Variants in GALNT13 observed in about 807,000 individuals in gnomAD.
GALNT13 encodes UDP-GalNAc:polypeptide N-acetylgalactosaminyltransferase 13.
Under a neutral mutation model 64.2 loss-of-function variants are expected in GALNT13, and 28 were observed. The observed-to-expected ratio is 0.44, with a 90% CI of 0.32 to 0.60. The LOEUF (loss-of-function observed/expected upper bound fraction) is 0.60, where lower values mean the gene tolerates loss of function less well. GALNT13 is among the 20% of genes least tolerant of loss of function. The pLI, the probability that GALNT13 is intolerant of heterozygous loss-of-function variation, is 0.05. For synonymous variants in GALNT13, 214 were observed against 224.6 expected (o/e 0.95, Z 0.42); for missense variants, 577 against 669.8 (o/e 0.86, Z 1.53).
At chr2:153,305,005 T>C in the GALNT13 span, among the ~76,000 whole-genome samples, 2 of 152,126 alleles carry the variant, frequency 1.3e-5, no homozygotes, top group Non-Finnish European at 2.9e-5. Flanking sequence ...TATAATCACA[T>C]TTACAGTTTT....
intron 3 of GALNT13, among the ~76,000 whole-genome samples, chr2:154,045,747 C>T (rs1027855166): frequency 2.6e-5 from 4 of 152,050 alleles, no homozygotes; most frequent in Non-Finnish European, 4.4e-5. Context: ...TAAGAAAAAA[C>T]AAACAAACCC....
intron 9 of GALNT13, among the ~76,000 whole-genome samples, chr2:154,378,212 G>A (rs537617687): frequency 1.3e-5 from 2 of 152,188 alleles, no homozygotes; most frequent in South Asian, 4.2e-4. Context: ...CACTGGGATC[G>A]CAGGAGGAGG....
At chr2:153,406,333 TTA>T in the GALNT13 span, among the ~76,000 whole-genome samples, 3 of 152,212 alleles carry the variant, frequency 2.0e-5, no homozygotes, top group Non-Finnish European at 2.9e-5. Flanking sequence ...TTTTATTTAT[TTA>T]TATGTTTATT....
chr2:154,278,449 G>T (rs929146527), intron 8 of GALNT13, among the ~76,000 whole-genome samples: 1 of 152,170 alleles, frequency 6.6e-6, no homozygotes, highest in Non-Finnish European at 1.5e-5. Context: ...TTGGAAATGT[G>T]TTGCAGGGTT....
At chr2:153,258,702 A>G in the GALNT13 span, among the ~76,000 whole-genome samples, 1 of 151,972 alleles carries the variant, frequency 6.6e-6, no homozygotes, top group Non-Finnish European at 1.5e-5. Flanking sequence ...TTTCTTTGTA[A>G]TTTCTTCATT....
At chr2:154,298,451 TTA>T (rs966957191) in intron 8 of GALNT13, among the ~76,000 whole-genome samples, 2 of 135,988 alleles carry the variant, frequency 1.5e-5, no homozygotes, top group Non-Finnish European at 3.1e-5. Flanking sequence ...TATATATAAT[TTA>T]TATATACATA....
chr2:153,857,672 TA>T, the GALNT13 span, among the ~76,000 whole-genome samples: 1 of 152,222 alleles, frequency 6.6e-6, no homozygotes, highest in South Asian at 2.1e-4. Context: ...ATATATTTTT[TA>T]AAACTTTTTC....
the GALNT13 span, among the ~76,000 whole-genome samples, chr2:153,512,400 C>T: frequency 6.6e-6 from 1 of 152,110 alleles, no homozygotes; most frequent in Non-Finnish European, 1.5e-5. Flanking sequence ...AGCCATGCTT[C>T]GTGAGGGCTA....
At chr2:154,144,641 AT>A (rs1683458986) in intron 4 of GALNT13, among the ~76,000 whole-genome samples, 1 of 152,098 alleles carries the variant, frequency 6.6e-6, no homozygotes, top group Non-Finnish European at 1.5e-5. Context: ...AATTCAGAAA[AT>A]TGTCCAAAAA....
At chr2:153,642,105 C>A in the GALNT13 span, among the ~76,000 whole-genome samples, 2 of 151,898 alleles carry the variant, frequency 1.3e-5, no homozygotes, top group Non-Finnish European at 2.9e-5. Context: ...TATCTTCATA[C>A]CCTACCTTAA....
chr2:153,365,060 C>T, the GALNT13 span, among the ~76,000 whole-genome samples: 2 of 152,190 alleles, frequency 1.3e-5, no homozygotes, highest in East Asian at 3.9e-4. Context: ...ATCAATGGAA[C>T]AGAACAGAAA....
At chr2:154,131,518 A>G (rs1049624881) in intron 3 of GALNT13, among the ~76,000 whole-genome samples, 4 of 152,166 alleles carry the variant, frequency 2.6e-5, no homozygotes, top group Admixed American at 2.0e-4. Context: ...CCATTAAGAA[A>G]CTGTCTCTTC....
the GALNT13 span, among the ~76,000 whole-genome samples, chr2:153,315,375 G>C: frequency 2.0e-5 from 3 of 152,124 alleles, no homozygotes; most frequent in East Asian, 3.9e-4. Context: ...AGCTCTCTGG[G>C]GCTTCTTTTA....
At chr2:154,212,251 A>T (rs1185400464) in intron 4 of GALNT13, among the ~76,000 whole-genome samples, 1 of 146,864 alleles carries the variant, frequency 6.8e-6, no homozygotes, top group Non-Finnish European at 1.5e-5. Flanking sequence ...TCAATCAGGC[A>T]TTTTTTTTTT....
chr2:154,187,813 G>A (rs1245866906), intron 4 of GALNT13, among the ~76,000 whole-genome samples: 1 of 151,996 alleles, frequency 6.6e-6, no homozygotes, highest in African/African-American at 2.4e-5. Flanking sequence ...AATTAAAATA[G>A]TTTTTTTGGT....
chr2:154,099,554 A>G (rs1702241157), intron 3 of GALNT13, among the ~76,000 whole-genome samples: 1 of 152,072 alleles, frequency 6.6e-6, no homozygotes, highest in Admixed American at 6.6e-5. Context: ...TTCAGGTCTT[A>G]CCATTAAGCC....
chr2:153,231,571 A>G, the GALNT13 span, among the ~76,000 whole-genome samples: 1 of 152,244 alleles, frequency 6.6e-6, no homozygotes, highest in African/African-American at 2.4e-5. Flanking sequence ...TCATAACAGC[A>G]TAGATATCCT....
At chr2:153,436,359 G>T in the GALNT13 span, among the ~76,000 whole-genome samples, 1 of 152,154 alleles carries the variant, frequency 6.6e-6, no homozygotes, top group Admixed American at 6.5e-5. Flanking sequence ...AGTTAGGGAG[G>T]ATTCCCTCTT....
intron 9 of GALNT13, among the ~76,000 whole-genome samples, chr2:154,309,961 A>T (rs186474007): frequency 1.3e-5 from 2 of 152,266 alleles, no homozygotes; most frequent in South Asian, 2.1e-4. Context: ...TTTCTTGTAC[A>T]CTTTCTTCCC....
Sources: gnomAD v4.1 joint callset for allele counts (sites outside exome capture counted in the v4.1 genomes callset) on GRCh38, gnomAD v4.1.1 for gene constraint, MANE v1.5 for transcripts, NCBI Gene and HGNC (gene_info 2026-07-23, HGNC 2026-07-21) for gene names.